The following ABCA1 variants were observed in gnomAD, a reference collection of about 807,000 sequenced individuals.
ABCA1 encodes ATP binding cassette subfamily A member 1, also known as phospholipid-transporting ATPase ABCA1.
ABCA1 carries 133 observed loss-of-function variants against 262.5 expected under a neutral mutation model. The ratio of observed to expected loss-of-function variants is 0.51; its 90% confidence interval spans 0.44 to 0.59. The LOEUF (loss-of-function observed/expected upper bound fraction) is 0.59. Among genes scored for constraint, ABCA1 ranks in the 20% least tolerant of loss-of-function variants. The probability of loss-of-function intolerance (pLI) is 0.00; values close to 1 mark genes in which losing one functional copy is unlikely to be tolerated. For missense variants in ABCA1, 2,452 were observed against 2,777.5 expected (o/e 0.88, Z 2.63); for synonymous variants, 1,022 against 1,043.5 (o/e 0.98, Z 0.40).
chr9:104,785,020 G>A (rs536464362), intron 49 of ABCA1, among the ~76,000 whole-genome samples: 20 of 152,230 alleles, frequency 1.3e-4, no homozygotes, highest in Non-Finnish European at 2.6e-4. Context: ...GGCACATACG[G>A]TCTTGATTAA....
intron 22 of ABCA1, 46 bp downstream of exon 22, chr9:104,819,540 C>G: frequency 6.2e-7 from 1 of 1,613,132 alleles, no homozygotes; most frequent in Non-Finnish European, 8.5e-7. Flanking sequence ...AAAAGCCCCC[C>G]GCTCTCTCTC....
chr9:104,913,781 ATTT>A (rs1054229568), intron 1 of ABCA1, among the ~76,000 whole-genome samples: 1 of 123,682 alleles, frequency 8.1e-6, no homozygotes, highest in Admixed American at 1.0e-4. Flanking sequence ...ACAAGTTTTT[ATTT>A]TATTTTATTT....
rs994509997 is a variant in ABCA1 at position 104,922,335 on chromosome 9, T to A, written c.-93+5600A>T. On this transcript the variant is annotated intron_variant, in intron 1 of 49. Transcript: ENST00000374736. ...AAGATACTCAAATGAAAATAGAGAA[T>A]CCCTTTTGGCCTTTTGCTAATATTT... Among the ~76,000 whole-genome samples the A allele has an allele frequency of 3.0e-4, 46 of 152,330 alleles. 1 individual carries two copies. The highest frequency in any genetic ancestry group is 5.6e-4 in the Non-Finnish European group (38 of 68,034).
chr9:104,820,107 G>C, intron 20 of ABCA1, 38 bp from the exon 21 acceptor site: 2 of 1,613,700 alleles, frequency 1.2e-6, no homozygotes, highest in African/African-American at 1.3e-5. Flanking sequence ...GGGCCCTACT[G>C]GATACCCCAG....
intron 5 of ABCA1, among the ~76,000 whole-genome samples, chr9:104,875,794 C>T (rs1340863175): frequency 1.3e-5 from 2 of 152,164 alleles, no homozygotes; most frequent in Admixed American, 6.5e-5. Flanking sequence ...GTGCACTATT[C>T]AACTCAAATC....
chr9:104,901,425 T>C (rs1192468357), intron 2 of ABCA1, among the ~76,000 whole-genome samples: 1 of 152,066 alleles, frequency 6.6e-6, no homozygotes, highest in Non-Finnish European at 1.5e-5. Flanking sequence ...ATTGCCAACA[T>C]GATATGATTC....
Position 104,883,056 on chromosome 9 carries a change from A to G in ABCA1, c.404T>C (p.Ile135Thr). The stretch of plus-strand genomic sequence containing the variant: ...TTACTTACTTGAGCTGGATTTCTTG[A>G]TCTGCTGTAATGTTCTCAGAACTTT... ...MRKVLRTLQQ[I>T]KKSSSNLKLQ... Residue 135 changes from isoleucine to threonine, a missense_variant, in exon 5 of 50, where the codon ATC (isoleucine) becomes ACC (threonine). Transcript: ENST00000374736. 1 of 1,613,768 alleles carries G rather than the reference A, an allele frequency of 6.2e-7. No individual in the cohort carries two copies. Among genetic ancestry groups the G allele is most frequent in the Non-Finnish European group, 8.5e-7 (1 of 1,179,804 alleles).
At chr9:104,845,948 C>T (rs535352520) in intron 7 of ABCA1, among the ~76,000 whole-genome samples, 35 of 152,120 alleles carry the variant, frequency 2.3e-4, no homozygotes, top group African/African-American at 6.3e-4. Context: ...AAGTTAATGA[C>T]GGCTCACAAG....
rs1406953660 is a variant in ABCA1, at chr9:104,861,758, G to A, written c.464C>T (p.Ser155Phe). 4 of 1,613,400 alleles carry A rather than the reference G, an allele frequency of 2.5e-6. No homozygotes were observed. The highest frequency in any genetic ancestry group is 4.5e-5 in the East Asian group (2 of 44,848). Residue 155 changes from serine (S) to phenylalanine (F), a missense_variant, in exon 6 of 50, where the codon TCT becomes TTT. Coordinates refer to ENST00000374736, the MANE Select transcript of ABCA1 (RefSeq NM_005502.4). ...QDFLVDNETF[S>F]GFLYHNLSLP... is the part of the protein sequence containing the mutation. ...AGAGAGGTTGTGATACAGGAACCCAGAGAAGGTTTCATTGTCCACCAGGAA... is the reference window on the plus strand; with the variant it reads ...AGAGAGGTTGTGATACAGGAACCCAAAGAAGGTTTCATTGTCCACCAGGAA...
intron 4 of ABCA1, among the ~76,000 whole-genome samples, chr9:104,883,988 G>A (rs889712572): frequency 1.3e-5 from 2 of 152,166 alleles, no homozygotes; most frequent in African/African-American, 4.8e-5. Context: ...ATGGGGCAGT[G>A]ACAGAGGTGA....
At chr9:104,902,530 T>C (rs559267431) in intron 2 of ABCA1, among the ~76,000 whole-genome samples, 3 of 152,372 alleles carry the variant, frequency 2.0e-5, no homozygotes, top group South Asian at 2.1e-4. Flanking sequence ...TTGAATGGTA[T>C]TGATTTTGCA....
Position 104,806,413 on chromosome 9 carries a change from G to T in ABCA1, c.4292C>A (p.Ala1431Glu). 1 of 1,614,160 alleles carries T rather than the reference G, an allele frequency of 6.2e-7. No homozygotes were observed. Among genetic ancestry groups the T allele is most frequent in the Admixed American group, 1.7e-5 (1 of 60,034 alleles). Reference protein sequence around the residue: ...GNPIPDTPCQAGEEEWTTAPV... With the variant: ...GNPIPDTPCQEGEEEWTTAPV... ...GGCAGTGGTCCACTCTTCCTCCCCTGCCTGGCAGGGCGTGTCTCTGCAAAG... is the reference window on the plus strand; with the variant it reads ...GGCAGTGGTCCACTCTTCCTCCCCTTCCTGGCAGGGCGTGTCTCTGCAAAG... Residue 1431 changes from alanine to glutamate, a missense_variant, in exon 31 of 50, where the codon GCA (alanine) becomes GAA (glutamate). Around this residue, in one of 4 missense-constraint regions of ABCA1, gnomAD observed 665 missense variants for 727.3 expected, o/e 0.91. Transcript: ENST00000374736.
At chr9:104,824,618 T>C (rs1424386662) in intron 17 of ABCA1, 40 bp from the exon 18 acceptor site, 1 of 1,609,104 alleles carries the variant, frequency 6.2e-7, no homozygotes, top group Non-Finnish European at 8.5e-7. Context: ...CTCAGCATCA[T>C]CCCAGTATTC....
chr9:104,864,471 A>G lies in ABCA1; in HGVS notation c.422-2671T>C, dbSNP rs569624373. Among the ~76,000 whole-genome samples the G allele has an allele frequency of 3.9e-4, 60 of 152,206 alleles. 1 individual carries two copies. The highest frequency in any genetic ancestry group is 3.4e-3 in the Middle Eastern group (1 of 294). On this transcript the variant is annotated intron_variant, in intron 5 of 49. Coordinates refer to ENST00000374736, the MANE Select transcript of ABCA1 (RefSeq NM_005502.4). ...AAAAGGTAGACATTAATCACTGTACAACCATGGAAAAAGCACCACCCTGGG... is the reference window on the plus strand; with the variant it reads ...AAAAGGTAGACATTAATCACTGTACGACCATGGAAAAAGCACCACCCTGGG...
chr9:104,788,336 A>G, intron 45 of ABCA1, 90 bp downstream of exon 45: 2 of 1,581,856 alleles, frequency 1.3e-6, no homozygotes, highest in South Asian at 1.1e-5. Flanking sequence ...GAGGAAAAAC[A>G]GCCTGAAGTC....
At chr9:104,792,763 T>G in intron 42 of ABCA1, 23 bp downstream of exon 42, 1 of 1,613,996 alleles carries the variant, frequency 6.2e-7, no homozygotes, top group Non-Finnish European at 8.5e-7. Context: ...GAAGATGAGC[T>G]ATTGTAACCT....
intron 2 of ABCA1, among the ~76,000 whole-genome samples, chr9:104,891,917 A>T (rs1478851232): frequency 1.4e-5 from 2 of 142,660 alleles, no homozygotes; most frequent in African/African-American, 5.3e-5. Flanking sequence ...GTGAGCTGAG[A>T]TCACGCCACT....
chr9:104,812,467 G>A (rs902824591), intron 28 of ABCA1, 107 bp downstream of exon 28: 2 of 1,423,526 alleles, frequency 1.4e-6, no homozygotes, highest in Admixed American at 1.8e-5. Flanking sequence ...GATAAATCTG[G>A]CTCCGGCATC....
Position 104,827,063 on chromosome 9 carries a change from G to A in ABCA1, c.2222C>T (p.Ser741Phe). 6.2e-7 allele frequency: 1 copy of A among 1,614,212 alleles called. No homozygotes were observed. The highest frequency in any genetic ancestry group is 8.5e-7 in the Non-Finnish European group (1 of 1,180,042). ...LQCFLISTLF[S>F]RANLAAACGG... is the part of the protein sequence containing the mutation. ...ACAGGCTGCTGCCAGGTTGGCTCTG[G>A]AGAAGAGTGTGCTAATCAGGAAGCA... The change falls in exon 16 of 50, where the codon TCC (serine) becomes TTC (phenylalanine). Residue 741 changes from serine to phenylalanine, a missense_variant. Physicochemically the swap from Ser to Phe is radical, Grantham distance 155. Transcript: ENST00000374736.
Sources: gnomAD v4.1 joint callset for allele counts (sites outside exome capture counted in the v4.1 genomes callset) on GRCh38, gnomAD v4.1.1 for gene constraint, gnomAD v4.1.1 regional missense constraint, MANE v1.5 for transcripts, NCBI Gene and HGNC (gene_info 2026-07-23, HGNC 2026-07-21) for gene names.